SBF2: variants seen among roughly 807,000 people sequenced by gnomAD.
The protein encoded by SBF2 is SET binding factor 2, also known as myotubularin-related protein 13.
SBF2 carries 112 observed loss-of-function variants against 225.2 expected under a neutral mutation model. That is an observed-to-expected ratio of 0.50 (90% CI 0.43 to 0.58). SBF2 has a LOEUF of 0.58. Ranked by LOEUF, SBF2 falls within the 20% of genes least tolerant of loss-of-function variation. The pLI, the probability that SBF2 is intolerant of heterozygous loss-of-function variation, is 0.00. For synonymous variants in SBF2, 763 were observed against 773.3 expected, an observed-to-expected ratio of 0.99 and a Z score of 0.22; for missense variants, 1,996 against 2,206.2, an observed-to-expected ratio of 0.90 and a Z score of 1.91.
intron 2 of SBF2, among the ~76,000 whole-genome samples, chr11:10,095,761 G>A (rs1381668091): frequency 2.6e-5 from 4 of 152,048 alleles, no homozygotes; most frequent in East Asian, 3.9e-4. Context: ...TTAATCACAC[G>A]TACTGCTTTT....
In SBF2 at chr11:10,216,790, A is replaced by T. The variant is rs1390966626; in HGVS notation, c.56-22803T>A. 2.0e-5 allele frequency among the ~76,000 whole-genome samples: 3 copies of T among 152,194 alleles called. No individual in the cohort carries two copies. In the East Asian group the frequency reaches 5.8e-4, roughly 29 times the overall value. On this transcript the variant is annotated intron_variant, in intron 1 of 39. Coordinates refer to ENST00000256190, the MANE Select transcript of SBF2 (RefSeq NM_030962.4). Reference sequence around the variant, plus strand: ...GAGGCTGAGGCAGGAGAATCGCTTGAAACCGGGAGGCGGAGGTTGCAGTGA... The same window carrying T: ...GAGGCTGAGGCAGGAGAATCGCTTGTAACCGGGAGGCGGAGGTTGCAGTGA...
intron 17 of SBF2, among the ~76,000 whole-genome samples, chr11:9,886,568 T>A (rs998879162): frequency 4.0e-5 from 6 of 151,788 alleles, no homozygotes; most frequent in South Asian, 2.1e-4. Flanking sequence ...TTATTAATAA[T>A]TAGGAAATCT....
At chr11:10,125,918 T>G (rs1380581651) in intron 2 of SBF2, among the ~76,000 whole-genome samples, 1 of 152,224 alleles carries the variant, frequency 6.6e-6, no homozygotes. Flanking sequence ...TGTGTTCTCA[T>G]GCCTAGACTG....
chr11:9,973,818 C>T (rs1019605370), intron 13 of SBF2, among the ~76,000 whole-genome samples: 4 of 152,174 alleles, frequency 2.6e-5, no homozygotes, highest in Non-Finnish European at 5.9e-5. Flanking sequence ...AAGTAGGCAA[C>T]AGCCACCTTG....
intron 16 of SBF2, among the ~76,000 whole-genome samples, chr11:9,900,269 A>C (rs1227616552): frequency 6.6e-6 from 1 of 152,192 alleles, no homozygotes; most frequent in Non-Finnish European, 1.5e-5. Context: ...TCAATATGTC[A>C]GTATGTTCAA....
At chr11:9,854,930 G>C (rs189635401) in intron 19 of SBF2, among the ~76,000 whole-genome samples, 21 of 152,250 alleles carry the variant, frequency 1.4e-4, no homozygotes, top group African/African-American at 4.8e-4. Context: ...GTTATTGCTT[G>C]TTATAATGAA....
intron 16 of SBF2, among the ~76,000 whole-genome samples, chr11:9,926,372 A>T (rs1864055523): frequency 6.6e-6 from 1 of 152,130 alleles, no homozygotes; most frequent in African/African-American, 2.4e-5. Context: ...GAAAGACTGA[A>T]AATCTTAAGT....
chr11:10,225,080 T>C (rs983856691), intron 1 of SBF2, among the ~76,000 whole-genome samples: 5 of 152,130 alleles, frequency 3.3e-5, no homozygotes, highest in Admixed American at 6.6e-5. Context: ...AAATAAAAGC[T>C]CATAGTGTAT....
At chr11:9,932,695 A>G (rs9667903) in intron 16 of SBF2, among the ~76,000 whole-genome samples, 22,371 of 152,130 alleles carry the variant, frequency 0.15, 1,872 homozygotes, top group East Asian at 0.38. Flanking sequence ...TGTAAAGACC[A>G]TCAATGTTAC....
intron 16 of SBF2, among the ~76,000 whole-genome samples, chr11:9,945,742 G>A (rs1211610038): frequency 6.6e-6 from 1 of 151,782 alleles, no homozygotes; most frequent in Non-Finnish European, 1.5e-5. Flanking sequence ...AAACCAACAA[G>A]CAAACCCAAA....
chr11:10,002,249 A>C (rs185739975), intron 7 of SBF2, among the ~76,000 whole-genome samples: 141 of 152,310 alleles, frequency 9.3e-4, no homozygotes, highest in Non-Finnish European at 1.7e-3. Flanking sequence ...TATCATTATA[A>C]CTTCTAAAAA....
Position 9,780,368 on chromosome 11 carries a change from T to C in SBF2, c.*50A>G. 6.8e-7 allele frequency: 1 copy of C among 1,472,486 alleles called. No homozygotes were observed. The highest frequency in any genetic ancestry group is 9.5e-7 in the Non-Finnish European group (1 of 1,054,200). 91.2% of individuals were successfully genotyped at this position (1,472,486 alleles called of 1,614,324 possible). On this transcript the variant is annotated 3_prime_UTR_variant, in exon 40 of 40. Transcript: ENST00000256190. ...GGATCCATGCTTCTTTTTCTATCTATCTGGCAGCATGAGTTCTTCTGTTTC... is the reference window on the plus strand; with the variant it reads ...GGATCCATGCTTCTTTTTCTATCTACCTGGCAGCATGAGTTCTTCTGTTTC...
intron 2 of SBF2, among the ~76,000 whole-genome samples, chr11:10,129,503 T>A (rs1175172152): frequency 6.6e-6 from 1 of 152,206 alleles, no homozygotes; most frequent in African/African-American, 2.4e-5. Context: ...AAATTATAAG[T>A]AAGGCAGGTG....
intron 6 of SBF2, among the ~76,000 whole-genome samples, chr11:10,014,090 G>C (rs1948554314): frequency 6.6e-6 from 1 of 151,998 alleles, no homozygotes; most frequent in Non-Finnish European, 1.5e-5. Flanking sequence ...CCCTGTCCTA[G>C]CCCTAGTCCA....
chr11:9,874,463 C>A (rs1329196457), intron 17 of SBF2, among the ~76,000 whole-genome samples: 3 of 152,122 alleles, frequency 2.0e-5, no homozygotes, highest in African/African-American at 4.8e-5. Flanking sequence ...AAATCAATAT[C>A]TTTTAGGGGC....
intron 1 of SBF2, among the ~76,000 whole-genome samples, chr11:10,215,325 T>C (rs1249739111): frequency 1.3e-5 from 2 of 152,232 alleles, no homozygotes; most frequent in African/African-American, 4.8e-5. Context: ...CACTGTCATC[T>C]TAAAAATTGG....
chr11:9,841,157 G>A (rs1856107967), intron 25 of SBF2, among the ~76,000 whole-genome samples: 6 of 152,090 alleles, frequency 3.9e-5, no homozygotes, highest in Admixed American at 3.9e-4. Flanking sequence ...GTTTCAATTT[G>A]TGAACTTCAA....
chr11:10,002,241 T>C (rs1171481860), intron 7 of SBF2, among the ~76,000 whole-genome samples: 1 of 152,186 alleles, frequency 6.6e-6, no homozygotes, highest in Non-Finnish European at 1.5e-5. Context: ...AGAATCTCTA[T>C]CATTATAACT....
rs1857474028 is a variant in SBF2, at chr11:9,858,383, C to T, written c.1943G>A (p.Gly648Glu). 2 of 1,614,078 alleles carry T rather than the reference C, an allele frequency of 1.2e-6. No individual in the cohort carries two copies. Among genetic ancestry groups the T allele is most frequent in the East Asian group, 4.5e-5 (2 of 44,884 alleles). ...ACACGTGTAAGCAAACTGGCTGACT[C>T]CAGGGGCAAGTTTCTGTGAGAACAC... ...TSAFYRKLAPGVSQFAYTCVQ... is the reference protein window; with the variant it reads ...TSAFYRKLAPEVSQFAYTCVQ... The change falls in exon 18 of 40, where the codon GGA becomes GAA. Residue 648 changes from glycine to glutamate, a missense_variant. Coordinates refer to ENST00000256190, the MANE Select transcript of SBF2 (RefSeq NM_030962.4).
Sources: allele counts gnomAD v4.1 joint callset (sites outside exome capture counted in the v4.1 genomes callset), GRCh38; gene constraint gnomAD v4.1.1; transcripts MANE v1.5; gene names NCBI Gene and HGNC (gene_info 2026-07-23, HGNC 2026-07-21).